The following PIEZO2 variants were observed in gnomAD, a reference collection of about 807,000 sequenced individuals.
PIEZO2 encodes the protein piezo type mechanosensitive ion channel component 2, also known as piezo-type mechanosensitive ion channel component 2.
PIEZO2 carries 172 observed loss-of-function variants against 337.3 expected under a neutral mutation model. The ratio of observed to expected loss-of-function variants is 0.51; its 90% CI spans 0.45 to 0.58. The LOEUF (loss-of-function observed/expected upper bound fraction) is 0.58, where lower values mean the gene tolerates loss of function less well. Among genes scored for constraint, PIEZO2 ranks in the 20% least tolerant of loss-of-function variants. PIEZO2 has a pLI of 0.00. For missense variants in PIEZO2, 3,028 were observed against 3,391.3 expected (o/e 0.89, Z 2.66); for synonymous variants, 1,251 against 1,228.5 (o/e 1.02, Z -0.38).
rs538224709 is a variant in PIEZO2, at chr18:11,131,602, G to A, written c.64+16923C>T. On this transcript the variant is annotated intron_variant, in intron 1 of 55. Coordinates refer to ENST00000674853, the MANE Select transcript of PIEZO2 (RefSeq NM_001378183.1). The surrounding 1 kb of genome is among the most constrained non-coding windows in gnomAD (Gnocchi z 5.3). The stretch of plus-strand genomic sequence containing the variant: ...TCGAGCCATGCACCTGGCTGTGCAC[G>A]TTGCATGGAAGAAGAAATGGCCAGA... Among the ~76,000 whole-genome samples the A allele has an allele frequency of 5.3e-5, 8 of 152,202 alleles. No homozygotes were observed. The highest frequency in any genetic ancestry group is 2.0e-4 in the Admixed American group (3 of 15,290).
chr18:11,058,639 A>G (rs2037817541), intron 2 of PIEZO2, among the ~76,000 whole-genome samples: 1 of 152,226 alleles, frequency 6.6e-6, no homozygotes, highest in South Asian at 2.1e-4. Flanking sequence ...CACAAGCTTC[A>G]GTAGCCAATT....
Position 10,973,124 on chromosome 18 carries a change from G to A in PIEZO2, c.286+6411C>T, listed in dbSNP as rs1406784513. Among the ~76,000 whole-genome samples the A allele has an allele frequency of 6.6e-6, 1 of 152,216 alleles. No individual in the cohort carries two copies. Among genetic ancestry groups the A allele is most frequent in the Non-Finnish European group, 1.5e-5 (1 of 68,038 alleles). On this transcript the variant is annotated intron_variant, in intron 3 of 55. Transcript: ENST00000674853. The surrounding 1 kb of genome is among the most constrained non-coding windows in gnomAD (Gnocchi z 4.9). ...AAATGAGATATTCTATTTGAAAACT[G>A]CTGCATAAAGTGAGCATCCATATCT...
In PIEZO2 at chr18:10,815,691, G is replaced by A. The variant is rs1219596381; in HGVS notation, c.918-8417C>T. Among the ~76,000 whole-genome samples the A allele has an allele frequency of 6.6e-6, 1 of 152,144 alleles. No homozygotes were observed. Among genetic ancestry groups the A allele is most frequent in the Admixed American group, 6.5e-5 (1 of 15,288 alleles). ...AGCAACGTACCTAGATAATATTTGG[G>A]AGTGCTCTCACTCAGGAACAAGAGA... On this transcript the variant is annotated intron_variant, in intron 7 of 55. Transcript: ENST00000674853. The surrounding 1 kb of genome is among the most constrained non-coding windows in gnomAD (Gnocchi z 4.1).
At position 10,715,846 on chromosome 18, in the gene PIEZO2, A is replaced by C. The variant is rs754688553; in HGVS notation, c.5090-30T>G. On this transcript the variant is annotated intron_variant, in intron 37 of 55. Coordinates refer to ENST00000674853, the MANE Select transcript of PIEZO2 (RefSeq NM_001378183.1). Reference sequence around the variant, plus strand: ...GAGGAAGAAAGGCAACAAGATGTTAAAGGAACAAAATACCATTGATTTTAC... The same window carrying C: ...GAGGAAGAAAGGCAACAAGATGTTACAGGAACAAAATACCATTGATTTTAC... 12 of 1,469,376 alleles carry C rather than the reference A, an allele frequency of 8.2e-6. No homozygotes were observed. The African/African-American group carries it at 1.7e-4, about 21-fold the overall frequency. 91.0% of individuals were successfully genotyped at this position (1,469,376 alleles called of 1,614,324 possible).
rs551938645 is a variant in PIEZO2 at position 10,775,803 on chromosome 18, T to C, written c.2535-1765A>G. On this transcript the variant is annotated intron_variant, in intron 18 of 55. Coordinates refer to ENST00000674853, the MANE Select transcript of PIEZO2 (RefSeq NM_001378183.1). This position sits in a 1 kb window ranked among gnomAD's most constrained non-coding sequence, Gnocchi z 4.3. Reference sequence around the variant, plus strand: ...GGGACAAGATGCAGCTGCGGACAAATGAGAAGGGCATCTCTGCATCCAACA... The same window carrying C: ...GGGACAAGATGCAGCTGCGGACAAACGAGAAGGGCATCTCTGCATCCAACA... Among the ~76,000 whole-genome samples the C allele has an allele frequency of 6.6e-6, 1 of 151,966 alleles. No homozygotes were observed. The highest frequency in any genetic ancestry group is 1.9e-4 in the East Asian group (1 of 5,172).
Position 11,096,649 on chromosome 18 carries a change from C to G in PIEZO2, c.65-30427G>C, listed in dbSNP as rs372352947. On this transcript the variant is annotated intron_variant, in intron 1 of 55. Transcript: ENST00000674853. This position sits in a 1 kb window ranked among gnomAD's most constrained non-coding sequence, Gnocchi z 4.6. ...TTCCTGCCCTTCACCCTCATCTCCC[C>G]CACCCAACACACACACGTATCTACC... 1.8e-3 allele frequency among the ~76,000 whole-genome samples: 274 copies of G among 152,292 alleles called. 3 individuals carry two copies. Among genetic ancestry groups the G allele is most frequent in the African/African-American group, 6.3e-3 (263 of 41,560 alleles).
rs1255916483 is a variant in PIEZO2 at position 10,929,980 on chromosome 18, C to A, written c.287-18752G>T. Among the ~76,000 whole-genome samples the A allele has an allele frequency of 6.6e-6, 1 of 152,254 alleles. No homozygotes were observed. Among genetic ancestry groups the A allele is most frequent in the African/African-American group, 2.4e-5 (1 of 41,560 alleles). On this transcript the variant is annotated intron_variant, in intron 3 of 55. Transcript: ENST00000674853. This position sits in a 1 kb window ranked among gnomAD's most constrained non-coding sequence, Gnocchi z 5.6. ...CCTTTGGAGTTGAGGCACCACGGAC[C>A]AGCATTAACATTAAAACAGAGATCC...
In PIEZO2 at chr18:10,859,858, C is replaced by T. The variant is rs62085166; in HGVS notation, c.493-2647G>A. Among the ~76,000 whole-genome samples the T allele has an allele frequency of 6.6e-6, 1 of 152,024 alleles. No homozygotes were observed. The highest frequency in any genetic ancestry group is 6.6e-5 in the Admixed American group (1 of 15,256). On this transcript the variant is annotated intron_variant, in intron 5 of 55. Coordinates refer to ENST00000674853, the MANE Select transcript of PIEZO2 (RefSeq NM_001378183.1). The surrounding 1 kb of genome is among the most constrained non-coding windows in gnomAD (Gnocchi z 4.9). ...GGAGGCAGCAGCGGGGAGGTGGTGG[C>T]TGTGCTGGAGGAGAGGGGAGGGAGT...
chr18:10,972,037 G>T (rs992751643), intron 3 of PIEZO2, among the ~76,000 whole-genome samples: 1 of 151,912 alleles, frequency 6.6e-6, no homozygotes, highest in Non-Finnish European at 1.5e-5. Context: ...TCACACCTGT[G>T]ATCCCAGCAC....
At chr18:11,042,161 G>T (rs1238630256) in intron 2 of PIEZO2, among the ~76,000 whole-genome samples, 1 of 152,174 alleles carries the variant, frequency 6.6e-6, no homozygotes, top group Non-Finnish European at 1.5e-5. Flanking sequence ...GTCACACAAG[G>T]AAAAGCCTGC....
At chr18:10,947,803 G>A (rs2033103665) in intron 3 of PIEZO2, among the ~76,000 whole-genome samples, 1 of 152,132 alleles carries the variant, frequency 6.6e-6, no homozygotes, top group Admixed American at 6.5e-5. Flanking sequence ...GACAACATAT[G>A]TCATTAATAG....
At position 10,837,755 on chromosome 18, in the gene PIEZO2, G is replaced by T. The variant is rs114669155; in HGVS notation, c.917+17598C>A. Among the ~76,000 whole-genome samples the T allele has an allele frequency of 0.034, 5,072 of 150,782 alleles. 269 individuals carry two copies. The highest frequency in any genetic ancestry group is 0.11 in the African/African-American group (4,625 of 41,048). Reference sequence around the variant, plus strand: ...TTATAAAATTTCCTCATTTTTTTTTGTTGTTGTTGTTGTTGAGATGAAGTC... The same window carrying T: ...TTATAAAATTTCCTCATTTTTTTTTTTTGTTGTTGTTGTTGAGATGAAGTC... On this transcript the variant is annotated intron_variant, in intron 7 of 55. Coordinates refer to ENST00000674853, the MANE Select transcript of PIEZO2 (RefSeq NM_001378183.1). This position sits in a 1 kb window ranked among gnomAD's most constrained non-coding sequence, Gnocchi z 4.4.
At chr18:10,915,651 C>G (rs1252119555) in intron 3 of PIEZO2, among the ~76,000 whole-genome samples, 1 of 152,134 alleles carries the variant, frequency 6.6e-6, no homozygotes, top group Non-Finnish European at 1.5e-5. Flanking sequence ...TTCTCAAATA[C>G]TCTGTGAAAT....
At chr18:10,749,301 G>A (rs2037553241) in intron 29 of PIEZO2, among the ~76,000 whole-genome samples, 1 of 152,046 alleles carries the variant, frequency 6.6e-6, no homozygotes, top group South Asian at 2.1e-4. Context: ...TAAAAAATTA[G>A]CCAGGCATAG....
At chr18:11,095,575 A>G (rs1219639578) in intron 1 of PIEZO2, among the ~76,000 whole-genome samples, 2 of 152,240 alleles carry the variant, frequency 1.3e-5, no homozygotes, top group Non-Finnish European at 2.9e-5. Flanking sequence ...GATATTTCTT[A>G]AGAGTGCATA....
At chr18:11,051,345 ATGTGTGTGTGTG>A (rs144159846) in intron 2 of PIEZO2, among the ~76,000 whole-genome samples, 1 of 146,776 alleles carries the variant, frequency 6.8e-6, no homozygotes, top group African/African-American at 2.6e-5. Context: ...ATCACTTAGG[ATGTGTGTGTGTG>A]TGTGTGTGTG....
At chr18:10,753,438 G>A (rs2037721917) in intron 27 of PIEZO2, among the ~76,000 whole-genome samples, 1 of 152,136 alleles carries the variant, frequency 6.6e-6, no homozygotes, top group Admixed American at 6.5e-5. Context: ...CCTTTTGGGG[G>A]CCACCCATCC....
rs892843958 is a variant in PIEZO2, at chr18:10,895,135, G to A, written c.329+16051C>T. ...GCCACTGGCTTCTAGCTCCCACCAG[G>A]TTATTTGGTAGAAAGTCAACAGCCT... is the stretch of plus-strand genomic sequence containing the variant. On this transcript the variant is annotated intron_variant, in intron 4 of 55. Transcript: ENST00000674853. This position sits in a 1 kb window ranked among gnomAD's most constrained non-coding sequence, Gnocchi z 4.8. Among the ~76,000 whole-genome samples the A allele has an allele frequency of 6.6e-6, 1 of 152,140 alleles. No individual in the cohort carries two copies. The highest frequency in any genetic ancestry group is 6.5e-5 in the Admixed American group (1 of 15,280).
chr18:10,733,610 G>C (rs1047644339), intron 35 of PIEZO2, among the ~76,000 whole-genome samples: 1 of 151,958 alleles, frequency 6.6e-6, no homozygotes, highest in African/African-American at 2.4e-5. Flanking sequence ...CACCACGCCC[G>C]GCTAATTTTT....
Sources: gnomAD v4.1 joint callset for allele counts (sites outside exome capture counted in the v4.1 genomes callset) on GRCh38, gnomAD v4.1.1 for gene constraint, Gnocchi (gnomAD v3.1) non-coding constraint, MANE v1.5 for transcripts, NCBI Gene and HGNC (gene_info 2026-07-23, HGNC 2026-07-21) for gene names.